Variants in HECW2 observed in about 807,000 individuals in gnomAD.
HECW2 encodes the protein HECT, C2 and WW domain containing E3 ubiquitin protein ligase 2.
HECW2 carries 61 observed loss-of-function variants against 175.2 expected under a neutral mutation model. The ratio of observed to expected loss-of-function variants is 0.35; its 90% CI spans 0.28 to 0.43. The LOEUF is 0.43. HECW2 is among the 20% of genes least tolerant of loss of function. HECW2 has a pLI of 1.00. For synonymous variants in HECW2, 671 were observed against 731.0 expected, an observed-to-expected ratio of 0.92 and a Z score of 1.32; for missense variants, 1,524 against 2,000.5, an observed-to-expected ratio of 0.76 and a Z score of 4.54.
intron 1 of HECW2, among the ~76,000 whole-genome samples, chr2:196,545,708 C>G (rs1218748021): frequency 6.6e-6 from 1 of 152,200 alleles, no homozygotes; most frequent in South Asian, 2.1e-4. Flanking sequence ...CATTCTGTCT[C>G]TGCTCCATTA....
intron 28 of HECW2, among the ~76,000 whole-genome samples, chr2:196,206,157 T>C (rs1404317091): frequency 6.6e-6 from 1 of 152,132 alleles, no homozygotes; most frequent in Non-Finnish European, 1.5e-5. Context: ...CTATTCAGTC[T>C]CAATAAAAGA....
chr2:196,417,388 C>T (rs6751101), intron 2 of HECW2, among the ~76,000 whole-genome samples: 144,175 of 152,246 alleles, frequency 0.95, 68,375 homozygotes, highest in East Asian at 1. Context: ...TTGCTGCTTG[C>T]CCTAGCAGTG....
chr2:196,443,344 T>C (rs929942830), intron 1 of HECW2, among the ~76,000 whole-genome samples: 1 of 152,114 alleles, frequency 6.6e-6, no homozygotes, highest in Non-Finnish European at 1.5e-5. Context: ...CTTAAATGTG[T>C]AACGAGAAGC....
At chr2:196,499,493 C>G (rs1033592121) in intron 1 of HECW2, among the ~76,000 whole-genome samples, 3 of 152,068 alleles carry the variant, frequency 2.0e-5, no homozygotes, top group Non-Finnish European at 2.9e-5. Context: ...CTAACAGTTT[C>G]AAAGCAGGGG....
chr2:196,247,917 A>G (rs1351009369), intron 19 of HECW2, among the ~76,000 whole-genome samples: 1 of 152,186 alleles, frequency 6.6e-6, no homozygotes, highest in Non-Finnish European at 1.5e-5. Flanking sequence ...TCAGACGCTC[A>G]TCTCTTTCCT....
chr2:196,400,323 C>G lies in HECW2; in HGVS notation c.292+32809G>C, dbSNP rs140250890. Among the ~76,000 whole-genome samples, 276 of 152,208 alleles carry G rather than the reference C, an allele frequency of 1.8e-3. 1 individual carries two copies. The highest frequency in any genetic ancestry group is 6.2e-3 in the African/African-American group (256 of 41,542). The stretch of plus-strand genomic sequence containing the variant: ...TACATCAGTGAGGAAATGGGACAGA[C>G]AGAGGAAGGATTTTCGTGTTGGCGG... On this transcript the variant is annotated intron_variant, in intron 2 of 28. Transcript: ENST00000644978.
chr2:196,349,330 A>C (rs1693084901), intron 2 of HECW2, among the ~76,000 whole-genome samples: 1 of 152,210 alleles, frequency 6.6e-6, no homozygotes, highest in Non-Finnish European at 1.5e-5. Flanking sequence ...TTCTTAGGTT[A>C]CTTCCTAGTG....
At chr2:196,531,571 A>C (rs1413934743) in intron 1 of HECW2, among the ~76,000 whole-genome samples, 2 of 151,806 alleles carry the variant, frequency 1.3e-5, no homozygotes, top group African/African-American at 4.8e-5. Context: ...CTGAGGCAGG[A>C]GAATCACTTG....
At chr2:196,247,878 A>G (rs1453265260) in intron 19 of HECW2, among the ~76,000 whole-genome samples, 1 of 152,188 alleles carries the variant, frequency 6.6e-6, no homozygotes, top group Non-Finnish European at 1.5e-5. Flanking sequence ...CTGATCCAGC[A>G]TGGCTCCATG....
At chr2:196,518,382 G>A (rs1183568878) in intron 1 of HECW2, among the ~76,000 whole-genome samples, 1 of 152,000 alleles carries the variant, frequency 6.6e-6, no homozygotes, top group African/African-American at 2.4e-5. Flanking sequence ...TAGGCCAGGC[G>A]CGGTGGCTCA....
At chr2:196,493,864 G>GTGAC (rs1213772025) in intron 1 of HECW2, among the ~76,000 whole-genome samples, 1 of 152,210 alleles carries the variant, frequency 6.6e-6, no homozygotes, top group Non-Finnish European at 1.5e-5. Context: ...CATCTACTGA[G>GTGAC]TGACTATTCA....
At chr2:196,454,887 TATG>T (rs1696457932) in intron 1 of HECW2, among the ~76,000 whole-genome samples, 1 of 152,326 alleles carries the variant, frequency 6.6e-6, no homozygotes, top group African/African-American at 2.4e-5. Flanking sequence ...AATGAGTTAA[TATG>T]ATATTTGATG....
chr2:196,545,479 T>C (rs1689379690), intron 1 of HECW2, among the ~76,000 whole-genome samples: 1 of 152,172 alleles, frequency 6.6e-6, no homozygotes, highest in Admixed American at 6.5e-5. Context: ...TCCTGATTAA[T>C]AGATGAGAGT....
chr2:196,450,489 ATTTT>A (rs34937207), intron 1 of HECW2, among the ~76,000 whole-genome samples: 2 of 135,492 alleles, frequency 1.5e-5, no homozygotes, highest in Admixed American at 7.4e-5. Flanking sequence ...CAAATATCAG[ATTTT>A]TTTTTTTTTT....
chr2:196,590,124 G>C (rs984209367), intron 1 of HECW2, among the ~76,000 whole-genome samples: 21 of 152,062 alleles, frequency 1.4e-4, no homozygotes, highest in Non-Finnish European at 1.6e-4. Flanking sequence ...AAAAAATTCA[G>C]GATTCCTTAA....
intron 2 of HECW2, among the ~76,000 whole-genome samples, chr2:196,425,225 G>GAAAA (rs35789441): frequency 7.0e-6 from 1 of 143,438 alleles, no homozygotes. Context: ...ATACTGCTTG[G>GAAAA]AAAAAAAAAA....
chr2:196,589,452 T>C (rs1362610574), intron 1 of HECW2, among the ~76,000 whole-genome samples: 1 of 152,214 alleles, frequency 6.6e-6, no homozygotes, highest in Non-Finnish European at 1.5e-5. Context: ...CCAGGTCACC[T>C]GCACAATCTC....
At chr2:196,301,813 T>G (rs1209077873) in intron 13 of HECW2, among the ~76,000 whole-genome samples, 1 of 152,024 alleles carries the variant, frequency 6.6e-6, no homozygotes, top group African/African-American at 2.4e-5. Context: ...ACTACAAAAA[T>G]TTTCTCCCAT....
At chr2:196,226,117 G>A (rs1687840591) in intron 22 of HECW2, among the ~76,000 whole-genome samples, 1 of 152,164 alleles carries the variant, frequency 6.6e-6, no homozygotes, top group African/African-American at 2.4e-5. Context: ...GTGGGGCCTG[G>A]TGGGAGGTGT....
Sources: allele counts gnomAD v4.1 joint callset (sites outside exome capture counted in the v4.1 genomes callset), GRCh38; gene constraint gnomAD v4.1.1; transcripts MANE v1.5; gene names NCBI Gene and HGNC (gene_info 2026-07-23, HGNC 2026-07-21).